Variants in C12orf56 observed in about 807,000 individuals in gnomAD.
The protein encoded by C12orf56 is uncharacterized protein C12orf56.
In C12orf56, 71 loss-of-function variants were observed where a neutral mutation model predicts 69.9. The ratio of observed to expected loss-of-function variants is 1.02; its 90% CI spans 0.84 to 1.24. The LOEUF (loss-of-function observed/expected upper bound fraction) is 1.24, where lower values mean the gene tolerates loss of function less well. Among genes scored for constraint, C12orf56 ranks in the 50% most tolerant of loss-of-function variants. The probability of loss-of-function intolerance (pLI) is 0.00; values close to 1 mark genes in which losing one functional copy is unlikely to be tolerated. For synonymous variants in C12orf56, 276 were observed against 274.1 expected (o/e 1.01, Z -0.07); for missense variants, 732 against 738.5 (o/e 0.99, Z 0.10).
intron 3 of C12orf56, among the ~76,000 whole-genome samples, chr12:64,329,541 T>G (rs1393721351): frequency 6.6e-6 from 1 of 151,570 alleles, no homozygotes; most frequent in Non-Finnish European, 1.5e-5. Context: ...TTTTTATTAT[T>G]ACACTTTAAG....
At chr12:64,330,058 G>A (rs1168342078) in intron 3 of C12orf56, among the ~76,000 whole-genome samples, 1 of 152,002 alleles carries the variant, frequency 6.6e-6, no homozygotes, top group Non-Finnish European at 1.5e-5. Flanking sequence ...GGGATGGCTG[G>A]GTCAAATGGT....
intron 12 of C12orf56, 31 bp downstream of exon 12, chr12:64,270,505 C>T: frequency 4.1e-6 from 6 of 1,456,616 alleles, no homozygotes; most frequent in Non-Finnish European, 5.5e-6. Context: ...TGAAATCTTA[C>T]TGCAGATTAG....
Position 64,377,380 on chromosome 12 carries a change from G to A in C12orf56, c.252+12934C>T, listed in dbSNP as rs183608650. ...ATTTTTTTATTTTTAGTAGAGGCGG[G>A]GTTTCATCATATTGGCCAGGCTGGT... is the stretch of plus-strand genomic sequence containing the variant. On this transcript the variant is annotated intron_variant, in intron 1 of 12. Coordinates refer to ENST00000543942, the MANE Select transcript of C12orf56 (RefSeq NM_001170633.2). Among the ~76,000 whole-genome samples, 748 of 151,764 alleles carry A rather than the reference G, an allele frequency of 4.9e-3. 7 individuals carry two copies. The highest frequency in any genetic ancestry group is 0.018 in the African/African-American group (732 of 41,404).
intron 6 of C12orf56, among the ~76,000 whole-genome samples, chr12:64,287,114 G>T (rs2038213592): frequency 6.6e-6 from 1 of 151,874 alleles, no homozygotes; most frequent in Non-Finnish European, 1.5e-5. Flanking sequence ...GCATGCGCCT[G>T]TAATCCCTAA....
intron 3 of C12orf56, among the ~76,000 whole-genome samples, chr12:64,330,757 G>T (rs1316541063): frequency 1.3e-5 from 2 of 151,948 alleles, no homozygotes; most frequent in East Asian, 1.9e-4. Flanking sequence ...GTAATATATA[G>T]AAAATTAGAA....
At chr12:64,374,001 A>G (rs2135976769) in intron 1 of C12orf56, among the ~76,000 whole-genome samples, 1 of 152,322 alleles carries the variant, frequency 6.6e-6, no homozygotes, top group South Asian at 2.1e-4. Context: ...TTTCATAATT[A>G]AAAACCTCAT....
intron 6 of C12orf56, among the ~76,000 whole-genome samples, chr12:64,300,390 A>G (rs1296275098): frequency 6.6e-6 from 1 of 152,056 alleles, no homozygotes; most frequent in Non-Finnish European, 1.5e-5. Flanking sequence ...TAAACTGAAG[A>G]TGCTTAAATG....
chr12:64,335,987 A>G (rs2038991601), intron 2 of C12orf56, among the ~76,000 whole-genome samples: 1 of 152,210 alleles, frequency 6.6e-6, no homozygotes, highest in Non-Finnish European at 1.5e-5. Flanking sequence ...CATTATTAAC[A>G]TATTAAAGAT....
At chr12:64,334,209 G>T (rs1369652992) in intron 2 of C12orf56, among the ~76,000 whole-genome samples, 1 of 152,194 alleles carries the variant, frequency 6.6e-6, no homozygotes, top group Non-Finnish European at 1.5e-5. Context: ...TCCCATTCCT[G>T]TGGGGAAGAT....
At chr12:64,375,123 C>T (rs1463945630) in intron 1 of C12orf56, among the ~76,000 whole-genome samples, 2 of 150,826 alleles carry the variant, frequency 1.3e-5, no homozygotes, top group African/African-American at 4.9e-5. Flanking sequence ...AGTGGTGTGA[C>T]CATGGTTCAC....
At chr12:64,293,325 G>C (rs564534476) in intron 6 of C12orf56, 1 of 152,804 alleles carries the variant, frequency 6.5e-6, no homozygotes, top group Non-Finnish European at 1.5e-5. Context: ...CGTCGCTCAC[G>C]CTGGGAGCTG....
intron 8 of C12orf56, among the ~76,000 whole-genome samples, chr12:64,279,229 T>C (rs7954838): frequency 0.72 from 109,834 of 152,050 alleles, 40,460 homozygotes; most frequent in Non-Finnish European, 0.8. Context: ...TCCACCATTT[T>C]GTAAAATGCT....
intron 5 of C12orf56, among the ~76,000 whole-genome samples, chr12:64,304,434 C>T (rs994709387): frequency 1.4e-4 from 22 of 152,184 alleles, no homozygotes; most frequent in Admixed American, 7.9e-4. Context: ...TACTGAACCA[C>T]GTGTCTTCCA....
At chr12:64,345,526 C>T (rs894211167) in intron 2 of C12orf56, among the ~76,000 whole-genome samples, 1 of 152,138 alleles carries the variant, frequency 6.6e-6, no homozygotes, top group Non-Finnish European at 1.5e-5. Flanking sequence ...CAGTCAATGC[C>T]CTAACTTTAA....
chr12:64,385,501 A>G (rs528025596), intron 1 of C12orf56, among the ~76,000 whole-genome samples: 3 of 152,202 alleles, frequency 2.0e-5, no homozygotes, highest in African/African-American at 4.8e-5. Context: ...GCTGGGGCTC[A>G]GAGGCATAAA....
Position 64,267,050 on chromosome 12 carries a change from A to G in C12orf56, c.*133T>C. 1 of 623,866 alleles carries G rather than the reference A, an allele frequency of 1.6e-6. No individual in the cohort carries two copies. The highest frequency in any genetic ancestry group is 2.7e-6 in the Non-Finnish European group (1 of 373,034). The allele number at this position is 623,866 out of a possible 1,614,324, so 38.6% of individuals were successfully genotyped here. On this transcript the variant is annotated 3_prime_UTR_variant, in exon 13 of 13. Coordinates refer to ENST00000543942, the MANE Select transcript of C12orf56 (RefSeq NM_001170633.2). Reference sequence around the variant, plus strand: ...ATAGAGAGGTATTGATGGAACATTCAATTAAAATCTTTGTTTATAGGACTC... The same window carrying G: ...ATAGAGAGGTATTGATGGAACATTCGATTAAAATCTTTGTTTATAGGACTC...
chr12:64,310,864 C>T (rs1238745579), intron 5 of C12orf56, among the ~76,000 whole-genome samples: 1 of 151,816 alleles, frequency 6.6e-6, no homozygotes, highest in Non-Finnish European at 1.5e-5. Flanking sequence ...GCTATCCCTC[C>T]CCCCTTCCCC....
chr12:64,320,990 T>A (rs1370029657), intron 3 of C12orf56, among the ~76,000 whole-genome samples: 1 of 152,226 alleles, frequency 6.6e-6, no homozygotes, highest in African/African-American at 2.4e-5. Flanking sequence ...GCCTATAAAG[T>A]CAACCTCCTC....
intron 4 of C12orf56, among the ~76,000 whole-genome samples, chr12:64,314,217 C>T (rs555083344): frequency 2.4e-4 from 37 of 152,066 alleles, no homozygotes; most frequent in African/African-American, 8.4e-4. Context: ...TCCTGAATAG[C>T]TAGGACTACA....
Sources: gnomAD v4.1 joint callset for allele counts (sites outside exome capture counted in the v4.1 genomes callset) on GRCh38, gnomAD v4.1.1 for gene constraint, MANE v1.5 for transcripts, NCBI Gene and HGNC (gene_info 2026-07-23, HGNC 2026-07-21) for gene names.